Variants in LRGUK observed in about 807,000 individuals in gnomAD.
The protein encoded by LRGUK is leucine rich repeats and guanylate kinase domain containing.
A neutral mutation model predicts 76.0 loss-of-function variants in LRGUK; 65 were observed. That is an observed-to-expected ratio of 0.85 (90% CI 0.70 to 1.05). The LOEUF (loss-of-function observed/expected upper bound fraction) is 1.05, where lower values mean the gene tolerates loss of function less well. LRGUK is among the 50% of genes least tolerant of loss of function. LRGUK has a pLI of 0.00. For missense variants in LRGUK, 758 were observed against 732.8 expected, an observed-to-expected ratio of 1.03 and a Z score of -0.40; for synonymous variants, 268 against 265.6, an observed-to-expected ratio of 1.01 and a Z score of -0.09.
chr7:134,176,520 C>A (rs535658276), intron 8 of LRGUK, among the ~76,000 whole-genome samples: 4 of 152,152 alleles, frequency 2.6e-5, no homozygotes, highest in African/African-American at 7.2e-5. Flanking sequence ...GCTGGGACTA[C>A]GGGCACCTGC....
chr7:134,142,804 C>T (rs1157114780), intron 3 of LRGUK, among the ~76,000 whole-genome samples: 4 of 152,184 alleles, frequency 2.6e-5, no homozygotes, highest in Non-Finnish European at 5.9e-5. Flanking sequence ...GGTTACTTGG[C>T]TGCCCCCAAA....
In LRGUK at chr7:134,258,241, T is replaced by C. The variant is rs1299285111; in HGVS notation, c.2199-16T>C. On this transcript the variant is annotated splice_polypyrimidine_tract_variant and intron_variant, in intron 18 of 19. Coordinates refer to the LRGUK transcript ENST00000285928. ...GTTTGGATCTCAAAAAGATCTTTGG[T>C]TTTTCATTTTTTCAGTGGGAAGGAT... 1.2e-6 allele frequency: 2 copies of C among 1,613,536 alleles called. 1 individual carries two copies. Among genetic ancestry groups the C allele is most frequent in the South Asian group, 2.2e-5 (2 of 91,036 alleles).
In LRGUK at chr7:134,221,979, G is replaced by A. The variant is rs1000321793; in HGVS notation, c.1983+61G>A. The A allele has an allele frequency of 2.9e-5, 40 of 1,392,022 alleles. No individual in the cohort carries two copies. The African/African-American group carries it at 5.1e-4, about 18-fold the overall frequency. 86.2% of individuals were successfully genotyped at this position (1,392,022 alleles called of 1,614,324 possible). The stretch of plus-strand genomic sequence containing the variant: ...AGCTCTATACAATGTCAGACAAAGA[G>A]GGGATTTAATATTTTGAGACTAATA... On this transcript the variant is annotated intron_variant, in intron 16 of 19. Coordinates refer to the LRGUK transcript ENST00000285928.
In LRGUK at chr7:134,208,868, C is replaced by T; in HGVS notation, c.2005C>T (p.Gln669Ter). The T allele has an allele frequency of 2.5e-6, 1 of 398,964 alleles. No homozygotes were observed. The highest frequency in any genetic ancestry group is 1.3e-4 in the South Asian group (1 of 7,844). The allele number at this position is 398,964 out of a possible 1,614,324, so 24.7% of individuals were successfully genotyped here. Residue 669 changes from glutamine to a stop codon, truncating the protein, a stop_gained, in exon 16 of 16, where the codon CAG (glutamine) becomes TAG (stop). Transcript: ENST00000645682. LOFTEE classifies it low-confidence loss of function (END_TRUNC). ...AGAAAATCAGAGCGTAACTCCTGCC[C>T]AGAACCAAGAGCTGGCTCAGGATGG...
intron 16 of LRGUK, among the ~76,000 whole-genome samples, chr7:134,238,919 C>T (rs969257117): frequency 6.6e-6 from 1 of 152,166 alleles, no homozygotes; most frequent in Non-Finnish European, 1.5e-5. Context: ...TGACCCCACC[C>T]CTTTGGTCTA....
At chr7:134,212,648 ATTTG>A (rs1347563646), downstream of LRGUK, among the ~76,000 whole-genome samples, 2 of 152,180 alleles carry the variant, frequency 1.3e-5, no homozygotes, top group Non-Finnish European at 2.9e-5. Context: ...AAAATATATC[ATTTG>A]TTTATTTTTA....
At chr7:134,231,806 T>C (rs985506877) in intron 16 of LRGUK, among the ~76,000 whole-genome samples, 1 of 147,660 alleles carries the variant, frequency 6.8e-6, no homozygotes, top group Non-Finnish European at 1.5e-5. Flanking sequence ...CTTCTTTACT[T>C]CTTATCTTCC....
chr7:134,233,308 A>T (rs1021894193), intron 16 of LRGUK, among the ~76,000 whole-genome samples: 8 of 152,158 alleles, frequency 5.3e-5, no homozygotes, highest in African/African-American at 1.9e-4. Flanking sequence ...AAGAAGCTTG[A>T]CTTCCTTTAC....
chr7:134,235,980 AT>A (rs1229149432), intron 16 of LRGUK, among the ~76,000 whole-genome samples: 3 of 152,194 alleles, frequency 2.0e-5, no homozygotes, highest in African/African-American at 7.2e-5. Context: ...AAGATATCAC[AT>A]TTTTAGTAAG....
At chr7:134,269,676 C>A in the LRGUK span, among the ~76,000 whole-genome samples, 6 of 152,176 alleles carry the variant, frequency 3.9e-5, no homozygotes, top group African/African-American at 1.2e-4. Flanking sequence ...TATTGAAATT[C>A]TTCTGTGGCT....
exon 20 of LRGUK, chr7:134,263,889 C>T (rs751185873): frequency 9.9e-6 from 16 of 1,612,326 alleles, no homozygotes; most frequent in Middle Eastern, 3.3e-4. Flanking sequence ...GTCTCACCAA[C>T]ACAGACAACA....
intron 19 of LRGUK, among the ~76,000 whole-genome samples, chr7:134,258,660 C>G (rs1416235587): frequency 3.3e-5 from 5 of 151,650 alleles, no homozygotes; most frequent in Admixed American, 3.3e-4. Flanking sequence ...GATCACACTA[C>G]TGCACTCCTG....
At chr7:134,148,540 T>G (rs1162009526) in intron 5 of LRGUK, among the ~76,000 whole-genome samples, 12 of 152,188 alleles carry the variant, frequency 7.9e-5, no homozygotes, top group African/African-American at 2.9e-4. Flanking sequence ...CAAGAGTATC[T>G]TACCCTTGAA....
intron 10 of LRGUK, among the ~76,000 whole-genome samples, chr7:134,182,386 G>A (rs1274005785): frequency 6.6e-6 from 1 of 152,104 alleles, no homozygotes; most frequent in Non-Finnish European, 1.5e-5. Context: ...GGCTGTTTTG[G>A]GGTTCACTTG....
exon 16 of LRGUK, chr7:134,221,876 C>T: frequency 6.3e-7 from 1 of 1,595,628 alleles, no homozygotes; most frequent in Non-Finnish European, 8.5e-7. Context: ...GAAACTACCT[C>T]ATTAAATTTT....
intron 18 of LRGUK, among the ~76,000 whole-genome samples, chr7:134,255,546 T>C (rs1016717370): frequency 6.6e-6 from 1 of 152,214 alleles, no homozygotes; most frequent in African/African-American, 2.4e-5. Flanking sequence ...TTCAGACATA[T>C]TTTTTGTCTG....
At chr7:134,233,497 C>T (rs1801948548) in intron 16 of LRGUK, among the ~76,000 whole-genome samples, 2 of 152,182 alleles carry the variant, frequency 1.3e-5, no homozygotes, top group African/African-American at 4.8e-5. Context: ...TAAGTACTAA[C>T]TGTATGAAGG....
exon 16 of LRGUK, chr7:134,208,943 C>G (rs895905120): frequency 2.5e-6 from 1 of 399,028 alleles, no homozygotes; most frequent in African/African-American, 2.1e-5. Flanking sequence ...CAATCCTGAG[C>G]TCCCTCAACA....
chr7:134,225,125 G>GAAAAAA (rs769671717), intron 16 of LRGUK, among the ~76,000 whole-genome samples: 2 of 60,878 alleles, frequency 3.3e-5, no homozygotes, highest in South Asian at 6.6e-4. Flanking sequence ...AACAGAACTG[G>GAAAAAA]AAAAAAAAAA....
Sources: allele counts gnomAD v4.1 joint callset (sites outside exome capture counted in the v4.1 genomes callset), GRCh38; gene constraint gnomAD v4.1.1; transcripts MANE v1.5; gene names NCBI Gene and HGNC (gene_info 2026-07-23, HGNC 2026-07-21).